CYREN: variants seen among roughly 807,000 people sequenced by gnomAD.
CYREN encodes cell cycle regulator of non-homologous end joining.
A neutral mutation model predicts 9.7 loss-of-function variants in CYREN; 7 were observed. That is an observed-to-expected ratio of 0.72 (90% confidence interval 0.41 to 1.36). The LOEUF (loss-of-function observed/expected upper bound fraction) is 1.36, where lower values mean the gene tolerates loss of function less well. Among genes scored for constraint, CYREN ranks in the 40% most tolerant of loss-of-function variants. The probability of loss-of-function intolerance (pLI) is 0.01; values close to 1 mark genes in which losing one functional copy is unlikely to be tolerated. For synonymous variants in CYREN, 76 were observed against 77.9 expected (o/e 0.98, Z 0.13); for missense variants, 215 against 198.1 (o/e 1.09, Z -0.51).
chr7:135,125,624 AC>A (rs1420435790), intron 2 of CYREN, among the ~76,000 whole-genome samples: 1 of 152,230 alleles, frequency 6.6e-6, no homozygotes, highest in African/African-American at 2.4e-5. Context: ...TTCCTGATGA[AC>A]ATCAATACGA....
intron 2 of CYREN, among the ~76,000 whole-genome samples, chr7:135,123,412 C>T (rs185805349): frequency 1.7e-4 from 26 of 152,178 alleles, no homozygotes; most frequent in Admixed American, 2.6e-4. Context: ...ACTAAACCTA[C>T]GATTGATCAG....
chr7:135,169,728 A>T (rs1830508394), intron 1 of CYREN, among the ~76,000 whole-genome samples: 1 of 152,080 alleles, frequency 6.6e-6, no homozygotes, highest in Non-Finnish European at 1.5e-5. Context: ...TCACCCAGAG[A>T]GATGGAGTTG....
rs186441137 is a variant in CYREN at position 135,125,189 on chromosome 7, A to G, written n.357-30607T>C. On this transcript the variant is annotated intron_variant and non_coding_transcript_variant, in intron 2 of 2. Coordinates refer to the CYREN transcript ENST00000459937. Reference sequence around the variant, plus strand: ...AAGAAAAGAGAGAAAAATCAAATAGACACAATAAAAATGATAAGGGGATAT... The same window carrying G: ...AAGAAAAGAGAGAAAAATCAAATAGGCACAATAAAAATGATAAGGGGATAT... 3.5e-4 allele frequency among the ~76,000 whole-genome samples: 53 copies of G among 152,298 alleles called. 1 individual carries two copies. The East Asian group carries it at 0.01, about 29-fold the overall frequency.
intron 3 of CYREN, 173 bp downstream of exon 3, chr7:135,167,559 C>A: frequency 1.0e-6 from 1 of 985,444 alleles, no homozygotes. Flanking sequence ...CGAGCGCACA[C>A]CCACATGGGG....
chr7:135,160,065 A>G (rs1829889430), intron 2 of CYREN, among the ~76,000 whole-genome samples: 1 of 152,244 alleles, frequency 6.6e-6, no homozygotes, highest in Non-Finnish European at 1.5e-5. Context: ...TTTAGGAACC[A>G]TTTCTAGTTC....
intron 2 of CYREN, among the ~76,000 whole-genome samples, chr7:135,155,588 GGATGCTAGGCAGGGGGATTAATT>G (rs1354717550): frequency 6.6e-6 from 1 of 152,150 alleles, no homozygotes; most frequent in Non-Finnish European, 1.5e-5. Context: ...CAGTGCTTTG[GGATGCTAGGCAGGGGGATTAATT>G]GATGCCAGGC....
At chr7:135,170,515 G>A (rs973138024) in intron 1 of CYREN, 137 bp downstream of exon 1, 2 of 152,338 alleles carry the variant, frequency 1.3e-5, no homozygotes, top group Admixed American at 6.5e-5. Flanking sequence ...CTTCCGACTG[G>A]AGCGGCCGCG....
At chr7:135,132,041 C>A (rs1458137619) in intron 2 of CYREN, among the ~76,000 whole-genome samples, 1 of 151,940 alleles carries the variant, frequency 6.6e-6, no homozygotes, top group Non-Finnish European at 1.5e-5. Context: ...AATTTTAAAA[C>A]CCTAAAAAAG....
At chr7:135,168,670 C>G in intron 2 of CYREN, 116 bp downstream of exon 2, 1 of 1,448,396 alleles carries the variant, frequency 6.9e-7, no homozygotes, top group Non-Finnish European at 9.2e-7. Flanking sequence ...GATGATCAGA[C>G]TGAAACACCC....
At chr7:135,103,857 T>A (rs1208799407) in intron 2 of CYREN, among the ~76,000 whole-genome samples, 1 of 152,194 alleles carries the variant, frequency 6.6e-6, no homozygotes, top group Non-Finnish European at 1.5e-5. Context: ...GTTGTAATTT[T>A]CTTCAACTGC....
At chr7:135,133,554 A>G (rs1332140092) in intron 2 of CYREN, among the ~76,000 whole-genome samples, 2 of 152,230 alleles carry the variant, frequency 1.3e-5, no homozygotes, top group Non-Finnish European at 2.9e-5. Flanking sequence ...TCAAGACAGT[A>G]GTATTAGAGG....
intron 2 of CYREN, among the ~76,000 whole-genome samples, chr7:135,113,243 AATAG>A (rs1321806765): frequency 5.3e-5 from 8 of 152,342 alleles, no homozygotes; most frequent in African/African-American, 4.8e-5. Context: ...TCCTTTTAAG[AATAG>A]ATAATTTCTT....
chr7:135,147,599 T>C (rs1003167704), intron 2 of CYREN, among the ~76,000 whole-genome samples: 1 of 152,188 alleles, frequency 6.6e-6, no homozygotes, highest in Non-Finnish European at 1.5e-5. Context: ...GCAGTGAGAA[T>C]GCTCAGGACA....
chr7:135,138,919 C>T (rs1829403028), intron 2 of CYREN, among the ~76,000 whole-genome samples: 1 of 151,950 alleles, frequency 6.6e-6, no homozygotes, highest in African/African-American at 2.4e-5. Context: ...GTAAAGGACA[C>T]TATTTCATTC....
At chr7:135,171,802 G>T (rs545230533), upstream of CYREN, among the ~76,000 whole-genome samples, 439 of 134,978 alleles carry the variant, frequency 3.3e-3, 3 homozygotes, top group African/African-American at 0.011. Flanking sequence ...CGTCCCTGCA[G>T]AGGACTCCGG....
chr7:135,151,509 T>TA lies in CYREN; in HGVS notation n.356+17239dup, dbSNP rs1268824765. 6.6e-6 allele frequency among the ~76,000 whole-genome samples: 1 copy of TA among 152,204 alleles called. No homozygotes were observed. Among genetic ancestry groups the TA allele is most frequent in the Non-Finnish European group, 1.5e-5 (1 of 68,032 alleles). ...CTCTGTTGCCCCGGCTTTATTCTGC[T>TA]AACATTTTCTTCCCAGTTCTCCTCT... On this transcript the variant is annotated intron_variant and non_coding_transcript_variant, in intron 2 of 2. Transcript: ENST00000459937. The surrounding 1 kb of genome is among the most constrained non-coding windows in gnomAD (Gnocchi z 4.3).
At chr7:135,119,508 G>C (rs2117226904) in intron 2 of CYREN, among the ~76,000 whole-genome samples, 1 of 151,562 alleles carries the variant, frequency 6.6e-6, no homozygotes, top group Non-Finnish European at 1.5e-5. Context: ...GGGATTACAG[G>C]CATGAGCCAC....
chr7:135,141,528 TG>T (rs764139385), intron 2 of CYREN, among the ~76,000 whole-genome samples: 2 of 152,122 alleles, frequency 1.3e-5, no homozygotes, highest in African/African-American at 4.8e-5. Context: ...ATCTTTCGTA[TG>T]TTTTTTTGTG....
intron 2 of CYREN, among the ~76,000 whole-genome samples, chr7:135,101,491 T>C (rs1468528342): frequency 1.3e-5 from 2 of 152,104 alleles, no homozygotes; most frequent in African/African-American, 4.8e-5. Flanking sequence ...CAGTTTAATA[T>C]AGCCTTAAAA....
Sources: gnomAD v4.1 joint callset for allele counts (sites outside exome capture counted in the v4.1 genomes callset) on GRCh38, gnomAD v4.1.1 for gene constraint, Gnocchi (gnomAD v3.1) non-coding constraint, MANE v1.5 for transcripts, NCBI Gene and HGNC (gene_info 2026-07-23, HGNC 2026-07-21) for gene names.